Variants in SYT1 observed in about 807,000 individuals in gnomAD.
SYT1 encodes the protein synaptotagmin 1.
A neutral mutation model predicts 44.8 loss-of-function variants in SYT1; 8 were observed. The ratio of observed to expected loss-of-function variants is 0.18; its 90% CI spans 0.10 to 0.32. The LOEUF is 0.32. SYT1 is among the 10% of genes least tolerant of loss of function. The pLI, the probability that SYT1 is intolerant of heterozygous loss-of-function variation, is 1.00. For missense variants in SYT1, 286 were observed against 509.3 expected (o/e 0.56, Z 4.22); for synonymous variants, 154 against 188.8 (o/e 0.82, Z 1.51).
chr12:79,261,758 G>A (rs954456189), intron 4 of SYT1, among the ~76,000 whole-genome samples: 38 of 152,136 alleles, frequency 2.5e-4, no homozygotes, highest in African/African-American at 8.4e-4. Flanking sequence ...AGTTATTATT[G>A]CGGTATTATT....
At chr12:79,393,275 G>A (rs927672169) in intron 9 of SYT1, 1 of 152,182 alleles carries the variant, frequency 6.6e-6, no homozygotes, top group African/African-American at 2.4e-5. Flanking sequence ...ACGTGTGCAT[G>A]TGTCTTTGTA....
chr12:79,174,950 A>G (rs1407354928), intron 3 of SYT1, among the ~76,000 whole-genome samples: 1 of 152,004 alleles, frequency 6.6e-6, no homozygotes, highest in Non-Finnish European at 1.5e-5. Context: ...GCTCTTTAAG[A>G]ATATATTTTA....
At position 78,980,921 on chromosome 12, in the gene SYT1, G is replaced by A. The variant is rs141276367; in HGVS notation, c.-84+2990G>A. 6.6e-5 allele frequency among the ~76,000 whole-genome samples: 10 copies of A among 152,144 alleles called. No homozygotes were observed. In the East Asian group the frequency reaches 1.7e-3, roughly 26 times the overall value. ...AACAGTATTCTCCTGAGCCAGGGGG[G>A]AGAGGGAGATGGAGGGGAGAGATGC... is the stretch of plus-strand genomic sequence containing the variant. On this transcript the variant is annotated intron_variant, in intron 2 of 10. Transcript: ENST00000261205.
intron 3 of SYT1, among the ~76,000 whole-genome samples, chr12:79,122,463 G>A (rs1224297517): frequency 7.4e-6 from 1 of 134,328 alleles, no homozygotes; most frequent in Non-Finnish European, 1.5e-5. Flanking sequence ...GCAGTGAGCC[G>A]AGATCGCGCC....
intron 9 of SYT1, among the ~76,000 whole-genome samples, chr12:79,442,572 TCA>T (rs917035919): frequency 6.6e-6 from 1 of 151,938 alleles, no homozygotes; most frequent in Non-Finnish European, 1.5e-5. Context: ...GGACTGGGAG[TCA>T]CAAGACCCAG....
intron 7 of SYT1, among the ~76,000 whole-genome samples, chr12:79,297,399 A>G (rs765796522): frequency 5.3e-5 from 8 of 152,184 alleles, no homozygotes; most frequent in South Asian, 2.1e-4. Flanking sequence ...TGTAATAGTA[A>G]TCACAGTTGT....
intron 3 of SYT1, among the ~76,000 whole-genome samples, chr12:79,064,930 A>AAGAAAG (rs1401232434): frequency 2.5e-5 from 1 of 39,940 alleles, no homozygotes; most frequent in African/African-American, 1.1e-4. Context: ...AATAGAGAGA[A>AAGAAAG]AGAAAGAAAG....
intron 3 of SYT1, among the ~76,000 whole-genome samples, chr12:79,120,899 A>T (rs559278789): frequency 2.6e-5 from 4 of 151,356 alleles, no homozygotes; most frequent in African/African-American, 9.7e-5. Flanking sequence ...ACCTTGAAGG[A>T]AGTTCATATG....
intron 4 of SYT1, among the ~76,000 whole-genome samples, chr12:79,280,260 A>G (rs1336043570): frequency 6.6e-6 from 1 of 152,184 alleles, no homozygotes; most frequent in African/African-American, 2.4e-5. Context: ...AGGCTCTAGC[A>G]ACCAAAACAG....
At chr12:79,093,897 A>G (rs966476831) in intron 3 of SYT1, among the ~76,000 whole-genome samples, 9 of 151,704 alleles carry the variant, frequency 5.9e-5, no homozygotes, top group Non-Finnish European at 1.2e-4. Flanking sequence ...GAAGTAAACA[A>G]TCTTGAACTG....
chr12:79,064,517 A>G (rs1875617444), intron 3 of SYT1, among the ~76,000 whole-genome samples: 1 of 152,074 alleles, frequency 6.6e-6, no homozygotes, highest in Admixed American at 6.6e-5. Context: ...AAATATTTCC[A>G]CTTTTATATA....
chr12:79,365,834 GAA>G (rs57702061), intron 9 of SYT1, among the ~76,000 whole-genome samples: 3 of 104,124 alleles, frequency 2.9e-5, no homozygotes. Context: ...AAGAGTACCA[GAA>G]AAAAAAAAAA....
At chr12:79,063,798 T>C (rs1395580374) in intron 3 of SYT1, among the ~76,000 whole-genome samples, 1 of 152,136 alleles carries the variant, frequency 6.6e-6, no homozygotes, top group Non-Finnish European at 1.5e-5. Flanking sequence ...ACTACCCTCC[T>C]CTATCCCCCT....
intron 1 of SYT1, among the ~76,000 whole-genome samples, chr12:78,899,486 A>G (rs1875541330): frequency 6.6e-6 from 1 of 152,030 alleles, no homozygotes; most frequent in South Asian, 2.1e-4. Context: ...TTAAATACAT[A>G]TGAATGTATT....
At chr12:79,082,554 T>C (rs1231860762) in intron 3 of SYT1, among the ~76,000 whole-genome samples, 1 of 152,140 alleles carries the variant, frequency 6.6e-6, no homozygotes, top group Non-Finnish European at 1.5e-5. Flanking sequence ...CATAAACATA[T>C]ACCTTATAAT....
At position 79,179,542 on chromosome 12, in the gene SYT1, TAG is replaced by T. The variant is rs1555204912; in HGVS notation, c.-17-37957_-17-37956del. Among the ~76,000 whole-genome samples the T allele has an allele frequency of 2.7e-3, 59 of 21,828 alleles. 1 individual carries two copies. The highest frequency in any genetic ancestry group is 0.01 in the African/African-American group (44 of 4,330). 14.3% of individuals were successfully genotyped at this position (21,828 alleles called of 152,430 possible). ...ATCTATATAGATATAGATATAGATA[TAG>T]AGATATAGATATAGATTTAGATATA... is the stretch of plus-strand genomic sequence containing the variant. On this transcript the variant is annotated intron_variant, in intron 3 of 10. Coordinates refer to ENST00000261205, the MANE Select transcript of SYT1 (RefSeq NM_005639.3).
At chr12:78,868,998 G>A (rs1873685599) in intron 1 of SYT1, 1 of 151,774 alleles carries the variant, frequency 6.6e-6, no homozygotes, top group Non-Finnish European at 1.5e-5. Flanking sequence ...TTTGGCAGAT[G>A]TTTCTTTCAA....
intron 2 of SYT1, among the ~76,000 whole-genome samples, chr12:79,004,999 G>A (rs1870983876): frequency 6.6e-6 from 1 of 151,978 alleles, no homozygotes; most frequent in African/African-American, 2.4e-5. Context: ...TTCATAGAAG[G>A]TAACTTGAAA....
rs1871026217 is a variant in SYT1, at chr12:79,451,031, A to C, written c.*1907A>C. On this transcript the variant is annotated 3_prime_UTR_variant, in exon 11 of 11. Transcript: ENST00000261205. Reference sequence around the variant, plus strand: ...AGCATTGGCCTCATGTTCAGTCTTCAGGATATCACACCACGTCTTTTCAAA... The same window carrying C: ...AGCATTGGCCTCATGTTCAGTCTTCCGGATATCACACCACGTCTTTTCAAA... The C allele has an allele frequency of 6.6e-6, 1 of 152,280 alleles. No homozygotes were observed. Among genetic ancestry groups the C allele is most frequent in the African/African-American group, 2.4e-5 (1 of 41,458 alleles). The allele number at this position is 152,280 out of a possible 1,614,324, so 9.4% of individuals were successfully genotyped here.
Sources: allele counts gnomAD v4.1 joint callset (sites outside exome capture counted in the v4.1 genomes callset), GRCh38; gene constraint gnomAD v4.1.1; transcripts MANE v1.5; gene names NCBI Gene and HGNC (gene_info 2026-07-23, HGNC 2026-07-21).